The following SYNJ2 variants were observed in gnomAD, a reference collection of about 807,000 sequenced individuals.
SYNJ2 encodes the protein synaptojanin 2, also known as polyphosphatidylinositol phosphatase SYNJ2.
Under a neutral mutation model 141.3 loss-of-function variants are expected in SYNJ2, and 116 were observed. The observed-to-expected ratio is 0.82, with a 90% CI of 0.71 to 0.96. The LOEUF is 0.96. Ranked by LOEUF, SYNJ2 falls within the 40% of genes least tolerant of loss-of-function variation. The probability of loss-of-function intolerance (pLI) is 0.00; values close to 1 mark genes in which losing one functional copy is unlikely to be tolerated. For synonymous variants in SYNJ2, 745 were observed against 777.7 expected, an observed-to-expected ratio of 0.96 and a Z score of 0.70; for missense variants, 1,873 against 1,934.8, an observed-to-expected ratio of 0.97 and a Z score of 0.60.
intron 20 of SYNJ2, among the ~76,000 whole-genome samples, 166 bp from the exon 21 acceptor site, chr6:158,083,263 G>T (rs1782815370): frequency 1.3e-5 from 2 of 152,098 alleles, no homozygotes; most frequent in African/African-American, 4.8e-5. Flanking sequence ...CCAGATGTAT[G>T]AGAGCTATGC....
chr6:158,035,514 CT>C (rs1299341531), intron 4 of SYNJ2, among the ~76,000 whole-genome samples: 1 of 152,098 alleles, frequency 6.6e-6, no homozygotes, highest in Non-Finnish European at 1.5e-5. Context: ...TATTCTGAGA[CT>C]TTGCCGAAGC....
intron 1 of SYNJ2, among the ~76,000 whole-genome samples, chr6:158,003,172 G>T (rs1219093606): frequency 6.6e-6 from 1 of 152,218 alleles, no homozygotes. Flanking sequence ...TTTGCTGAGG[G>T]TGATGTGTTC....
At chr6:158,007,699 G>C (rs1778125364) in intron 1 of SYNJ2, among the ~76,000 whole-genome samples, 1 of 152,224 alleles carries the variant, frequency 6.6e-6, no homozygotes, top group Admixed American at 6.5e-5. Context: ...CTGGAGTGCA[G>C]TGGCGTGACC....
chr6:158,042,990 C>T (rs1369263725), intron 4 of SYNJ2, among the ~76,000 whole-genome samples: 1 of 152,208 alleles, frequency 6.6e-6, no homozygotes, highest in Non-Finnish European at 1.5e-5. Context: ...TCTATTCATA[C>T]AGGGGGTGGC....
In SYNJ2 at chr6:158,092,977, C is replaced by T. The variant is rs747473553; in HGVS notation, c.3617C>T (p.Ser1206Phe). ...GTGGCCCCAAGGGACCTTGAAGCAT[C>T]CTCTGAACCAGAGCCCACACCGGGG... ...SAVAPRDLEA[S>F]SEPEPTPGAA... Residue 1206 changes from serine (S) to phenylalanine (F), a missense_variant, in exon 26 of 27, where the codon TCC becomes TTC. Physicochemically the swap from Ser to Phe is radical, Grantham distance 155. Coordinates refer to ENST00000355585, the MANE Select transcript of SYNJ2 (RefSeq NM_003898.4). 3.1e-6 allele frequency: 5 copies of T among 1,611,748 alleles called. No individual in the cohort carries two copies. The African/African-American group carries it at 4.0e-5, about 13-fold the overall frequency.
intron 2 of SYNJ2, among the ~76,000 whole-genome samples, chr6:158,021,438 G>A (rs1056269720): frequency 6.6e-6 from 1 of 152,236 alleles, no homozygotes; most frequent in African/African-American, 2.4e-5. Flanking sequence ...AGTGTGGAGT[G>A]CTCCTCCAAC....
Position 158,088,287 on chromosome 6 carries a change from G to C in SYNJ2, c.3344-373G>C, listed in dbSNP as rs567834850. On this transcript the variant is annotated intron_variant, in intron 23 of 26. Coordinates refer to ENST00000355585, the MANE Select transcript of SYNJ2 (RefSeq NM_003898.4). ...GTTTCACCATGTTGCCCAGGCTGGG[G>C]TTTTTGAAATATTTTTTCCCCACAA... Among the ~76,000 whole-genome samples the C allele has an allele frequency of 6.6e-5, 10 of 151,658 alleles. 1 individual carries two copies. The highest frequency in any genetic ancestry group is 5.3e-4 in the Admixed American group (8 of 15,208).
At chr6:158,077,890 G>A (rs372780041) in intron 17 of SYNJ2, 10 of 229,574 alleles carry the variant, frequency 4.4e-5, no homozygotes, top group South Asian at 7.5e-5. Context: ...CTGGAAACCC[G>A]GCAGCAACAC....
rs140868215 is a variant in SYNJ2, at chr6:158,054,393, C to T, written c.796-574C>T. On this transcript the variant is annotated intron_variant, in intron 5 of 26. Coordinates refer to ENST00000355585, the MANE Select transcript of SYNJ2 (RefSeq NM_003898.4). The stretch of plus-strand genomic sequence containing the variant: ...GTTAAAATCCATTACTGTCCTCATA[C>T]AGTTTGATGTTCAGATTGTCCCAGA... Among the ~76,000 whole-genome samples, 528 of 152,324 alleles carry T rather than the reference C, an allele frequency of 3.5e-3. 2 individuals are homozygous for T. Among genetic ancestry groups the T allele is most frequent in the African/African-American group, 0.012 (496 of 41,570 alleles).
chr6:158,063,696 C>G (rs1562371753), intron 8 of SYNJ2, 95 bp from the exon 9 acceptor site: 2 of 433,334 alleles, frequency 4.6e-6, no homozygotes, highest in Non-Finnish European at 4.3e-6. Flanking sequence ...AACCATGTTT[C>G]CTTGGGAGTC....
intron 6 of SYNJ2, among the ~76,000 whole-genome samples, chr6:158,056,172 T>G (rs1780857825): frequency 6.6e-6 from 1 of 152,224 alleles, no homozygotes; most frequent in African/African-American, 2.4e-5. Flanking sequence ...TCAGGAACCC[T>G]CCTATGTTTA....
At chr6:158,026,929 C>A (rs1473781501) in intron 2 of SYNJ2, 1 of 985,418 alleles carries the variant, frequency 1.0e-6, no homozygotes, top group African/African-American at 1.7e-5. Flanking sequence ...TGAACTCTGA[C>A]CCCTGTCCCT....
At chr6:158,068,378 A>G (rs554720971) in intron 12 of SYNJ2, among the ~76,000 whole-genome samples, 2 of 152,208 alleles carry the variant, frequency 1.3e-5, no homozygotes, top group Non-Finnish European at 2.9e-5. Flanking sequence ...GATTCAGTCA[A>G]TGGCTACAAG....
At chr6:157,998,024 C>A (rs150199592) in intron 1 of SYNJ2, among the ~76,000 whole-genome samples, 2 of 152,354 alleles carry the variant, frequency 1.3e-5, no homozygotes, top group Non-Finnish European at 2.9e-5. Flanking sequence ...GCCTAAGAGG[C>A]CCCTGCTCTA....
At chr6:158,028,689 C>A in intron 2 of SYNJ2, 67 bp from the exon 3 acceptor site, 1 of 1,569,764 alleles carries the variant, frequency 6.4e-7, no homozygotes, top group Non-Finnish European at 8.6e-7. Flanking sequence ...CTCCATTTGT[C>A]CCCTTGGAGC....
intron 1 of SYNJ2, among the ~76,000 whole-genome samples, chr6:157,994,782 A>G (rs1313699020): frequency 6.6e-6 from 1 of 152,268 alleles, no homozygotes; most frequent in East Asian, 1.9e-4. Context: ...GATTTTAACC[A>G]GAAGCAATAG....
At position 158,034,983 on chromosome 6, in the gene SYNJ2, A is replaced by G. The variant is rs563279178; in HGVS notation, c.711+1303A>G. Among the ~76,000 whole-genome samples, 5 of 152,314 alleles carry G rather than the reference A, an allele frequency of 3.3e-5. No individual in the cohort carries two copies. The East Asian group carries it at 9.6e-4, about 29-fold the overall frequency. On this transcript the variant is annotated intron_variant, in intron 4 of 26. Transcript: ENST00000355585. Reference sequence around the variant, plus strand: ...TTTTGTCAGGTTGGTCAAAGATCACATGGTTGTAGGTGTACGGCCTTATTT... The same window carrying G: ...TTTTGTCAGGTTGGTCAAAGATCACGTGGTTGTAGGTGTACGGCCTTATTT...
chr6:157,987,912 G>A (rs1277503478), intron 1 of SYNJ2, among the ~76,000 whole-genome samples: 4 of 152,324 alleles, frequency 2.6e-5, no homozygotes, highest in East Asian at 3.9e-4. Context: ...GGGAAGGGTC[G>A]ACCACAGCCT....
In SYNJ2 at chr6:158,027,039, T is replaced by G; in HGVS notation, c.215-1717T>G. The G allele has an allele frequency of 1.0e-6, 1 of 985,436 alleles. No individual in the cohort carries two copies. The highest frequency in any genetic ancestry group is 1.2e-6 in the Non-Finnish European group (1 of 829,930). The allele number at this position is 985,436 out of a possible 1,614,324, so 61.0% of individuals were successfully genotyped here. On this transcript the variant is annotated intron_variant, in intron 2 of 26. Transcript: ENST00000355585. The surrounding 1 kb of genome is among the most constrained non-coding windows in gnomAD (Gnocchi z 4.6). ...TGATGGGATCAACCCCCTGCCCTGC[T>G]GGCAGCCCCACCCCATGGCATAGCA... is the stretch of plus-strand genomic sequence containing the variant.
Sources: gnomAD v4.1 joint callset for allele counts (sites outside exome capture counted in the v4.1 genomes callset) on GRCh38, gnomAD v4.1.1 for gene constraint, Gnocchi (gnomAD v3.1) non-coding constraint, MANE v1.5 for transcripts, NCBI Gene and HGNC (gene_info 2026-07-23, HGNC 2026-07-21) for gene names.